Variants in NRXN3 observed in about 807,000 individuals in gnomAD.
The protein encoded by NRXN3 is neurexin III.
Under a neutral mutation model 137.6 loss-of-function variants are expected in NRXN3, and 32 were observed. That is an observed-to-expected ratio of 0.23 (90% confidence interval 0.18 to 0.31). The LOEUF is 0.31. NRXN3 is among the 10% of genes least tolerant of loss of function. NRXN3 has a pLI of 1.00. For synonymous variants in NRXN3, 798 were observed against 784.5 expected, an observed-to-expected ratio of 1.02 and a Z score of -0.29; for missense variants, 1,574 against 2,062.5, an observed-to-expected ratio of 0.76 and a Z score of 4.59.
At chr14:78,488,004 C>T (rs1404176563) in intron 4 of NRXN3, among the ~76,000 whole-genome samples, 1 of 152,066 alleles carries the variant, frequency 6.6e-6, no homozygotes, top group Non-Finnish European at 1.5e-5. Flanking sequence ...CATTTTCTCA[C>T]AGTTCTGGAG....
At chr14:79,851,232 A>C (rs1221983004) in intron 20 of NRXN3, among the ~76,000 whole-genome samples, 2 of 152,214 alleles carry the variant, frequency 1.3e-5, no homozygotes, top group Non-Finnish European at 2.9e-5. Context: ...TTTATTCTAC[A>C]GATGTCATTT....
chr14:78,486,523 G>A (rs147486348), intron 4 of NRXN3, among the ~76,000 whole-genome samples: 16 of 152,236 alleles, frequency 1.1e-4, no homozygotes, highest in African/African-American at 2.2e-4. Context: ...AGGAGAGTCC[G>A]TGTATAGAAA....
intron 15 of NRXN3, among the ~76,000 whole-genome samples, chr14:79,367,556 A>G (rs1225894962): frequency 6.6e-6 from 1 of 152,208 alleles, no homozygotes; most frequent in Non-Finnish European, 1.5e-5. Context: ...GTAACATCAC[A>G]TCAGGGAAAG....
At chr14:79,707,058 C>T (rs900149718) in intron 19 of NRXN3, among the ~76,000 whole-genome samples, 8 of 152,108 alleles carry the variant, frequency 5.3e-5, no homozygotes, top group African/African-American at 1.7e-4. Flanking sequence ...GTGTGAGCAC[C>T]ATTTATTCAT....
At chr14:79,758,605 T>A (rs1030012088) in intron 19 of NRXN3, among the ~76,000 whole-genome samples, 3 of 152,212 alleles carry the variant, frequency 2.0e-5, no homozygotes, top group African/African-American at 7.2e-5. Flanking sequence ...GGGACAAATA[T>A]CCAAACTATT....
intron 4 of NRXN3, among the ~76,000 whole-genome samples, chr14:78,467,977 G>A (rs369674145): frequency 3.9e-5 from 6 of 152,002 alleles, no homozygotes; most frequent in Non-Finnish European, 5.9e-5. Context: ...AGGCTGGAGC[G>A]CAGTGGCACG....
chr14:79,706,843 G>A (rs1200727037), intron 19 of NRXN3, among the ~76,000 whole-genome samples: 1 of 152,108 alleles, frequency 6.6e-6, no homozygotes, highest in Non-Finnish European at 1.5e-5. Context: ...GCTTCTTAGA[G>A]CTAAGTGATT....
chr14:78,198,122 G>GGAAATGCTCTGCTGGGA (rs1399289657), intron 1 of NRXN3, among the ~76,000 whole-genome samples: 1 of 152,200 alleles, frequency 6.6e-6, no homozygotes, highest in Non-Finnish European at 1.5e-5. Context: ...CTCTGGGTGG[G>GGAAATGCTCTGCTGGGA]GAAATGCTCT....
intron 1 of NRXN3, among the ~76,000 whole-genome samples, chr14:78,201,878 G>A (rs1432178189): frequency 6.6e-6 from 1 of 152,168 alleles, no homozygotes; most frequent in Non-Finnish European, 1.5e-5. Context: ...AGTGTGACTC[G>A]GAGGCCGCAG....
intron 19 of NRXN3, among the ~76,000 whole-genome samples, chr14:79,804,736 T>C (rs777388163): frequency 5.3e-5 from 8 of 152,188 alleles, no homozygotes; most frequent in Non-Finnish European, 1.0e-4. Context: ...TCTGTGTTGC[T>C]TTGCACTCTT....
chr14:78,350,868 A>G (rs559447929), intron 4 of NRXN3, among the ~76,000 whole-genome samples: 1 of 152,316 alleles, frequency 6.6e-6, no homozygotes, highest in South Asian at 2.1e-4. Flanking sequence ...AAACATTAAA[A>G]TAGAAAAATC....
intron 1 of NRXN3, among the ~76,000 whole-genome samples, chr14:78,235,615 ATAGT>A (rs1163082998): frequency 3.4e-4 from 52 of 151,746 alleles, no homozygotes; most frequent in African/African-American, 1.2e-3. Flanking sequence ...AAAAAGTGTT[ATAGT>A]TAAAGGTTAA....
intron 8 of NRXN3, among the ~76,000 whole-genome samples, chr14:78,734,999 G>A (rs1448708581): frequency 6.6e-6 from 1 of 152,150 alleles, no homozygotes; most frequent in Non-Finnish European, 1.5e-5. Flanking sequence ...CATCTTGGCT[G>A]TAGGACAGTG....
rs527478396 is a variant in NRXN3 at position 79,016,272 on chromosome 14, A to G, written c.3262+28131A>G. Among the ~76,000 whole-genome samples, 27 of 152,218 alleles carry G rather than the reference A, an allele frequency of 1.8e-4. No individual in the cohort carries two copies. The South Asian group carries it at 5.0e-3, about 28-fold the overall frequency. On this transcript the variant is annotated intron_variant, in intron 15 of 20. Transcript: ENST00000335750. ...CATCCTTTTCTACACTTCTGGCTCA[A>G]TTTGTTTTTGGTTTGGTTTAGAAGG...
chr14:78,204,682 T>C (rs550571427), intron 1 of NRXN3, among the ~76,000 whole-genome samples: 14 of 152,310 alleles, frequency 9.2e-5, no homozygotes, highest in Admixed American at 7.2e-4. Context: ...ACTACAAAGG[T>C]TAATGTTAAT....
At chr14:78,765,750 C>A (rs1005284093) in intron 8 of NRXN3, among the ~76,000 whole-genome samples, 1 of 152,100 alleles carries the variant, frequency 6.6e-6, no homozygotes, top group South Asian at 2.1e-4. Flanking sequence ...CACACACACA[C>A]ACATACATAT....
chr14:79,335,939 T>C (rs1464580425), intron 15 of NRXN3, among the ~76,000 whole-genome samples: 1 of 152,102 alleles, frequency 6.6e-6, no homozygotes, highest in African/African-American at 2.4e-5. Context: ...TCTACTCAAG[T>C]GGGCCATTTG....
intron 16 of NRXN3, among the ~76,000 whole-genome samples, chr14:79,541,010 C>A (rs2097266940): frequency 1.3e-5 from 2 of 152,184 alleles, no homozygotes; most frequent in African/African-American, 4.8e-5. Context: ...TTCCATGCCT[C>A]TCTCCCAGCT....
In NRXN3 at chr14:79,692,309, C is replaced by G. The variant is rs777206548; in HGVS notation, c.3706+47C>G. On this transcript the variant is annotated intron_variant, in intron 18 of 20. Coordinates refer to ENST00000335750, the MANE Select transcript of NRXN3 (RefSeq NM_001330195.2). ...ATTTTAAAATCATTTGATCCTAAACCCTCATTTTTAAAGCCTGCAAATAAA... is the reference window on the plus strand; with the variant it reads ...ATTTTAAAATCATTTGATCCTAAACGCTCATTTTTAAAGCCTGCAAATAAA... The G allele has an allele frequency of 1.2e-5, 17 of 1,394,228 alleles. No homozygotes were observed. In the South Asian group the frequency reaches 1.3e-4, roughly 10 times the overall value. The allele number at this position is 1,394,228 out of a possible 1,614,324, so 86.4% of individuals were successfully genotyped here.
Sources: allele counts gnomAD v4.1 joint callset (sites outside exome capture counted in the v4.1 genomes callset), GRCh38; gene constraint gnomAD v4.1.1; transcripts MANE v1.5; gene names NCBI Gene and HGNC (gene_info 2026-07-23, HGNC 2026-07-21).